SMTNL2: variants seen among roughly 807,000 people sequenced by gnomAD.
The protein encoded by SMTNL2 is smoothelin like 2, also known as smoothelin-like protein 2.
A neutral mutation model predicts 44.1 loss-of-function variants in SMTNL2; 43 were observed. That is an observed-to-expected ratio of 0.98 (90% confidence interval 0.76 to 1.26). SMTNL2 has a LOEUF of 1.26. Among genes scored for constraint, SMTNL2 ranks in the 50% most tolerant of loss-of-function variants. The pLI, the probability that SMTNL2 is intolerant of heterozygous loss-of-function variation, is 0.00. For missense variants in SMTNL2, 646 were observed against 670.2 expected (o/e 0.96, Z 0.40); for synonymous variants, 317 against 287.6 (o/e 1.10, Z -1.03).
intron 7 of SMTNL2, among the ~76,000 whole-genome samples, chr17:4,601,118 G>A (rs752538598): frequency 1.3e-5 from 2 of 152,174 alleles, no homozygotes; most frequent in Non-Finnish European, 2.9e-5. Context: ...AAAAATGGTC[G>A]TCGGGATTGG....
In SMTNL2 at chr17:4,595,177, T is replaced by A; in HGVS notation, c.839T>A (p.Val280Glu). 1 of 1,613,142 alleles carries A rather than the reference T, an allele frequency of 6.2e-7. No individual in the cohort carries two copies. The change falls in exon 5 of 8, where the codon GTG (valine) becomes GAG (glutamate). Residue 280 changes from valine to glutamate, a missense_variant. Val to Glu is a moderately radical substitution (Grantham distance 121). Coordinates refer to ENST00000389313, the MANE Select transcript of SMTNL2 (RefSeq NM_001114974.2). The surrounding 1 kb of genome is among the most constrained non-coding windows in gnomAD (Gnocchi z 5.1). ...CTGGTGACACCACCCCAGTCGCCCG[T>A]GTCCCCGCAGCCGCCAGCCATAACT... ...PPLVTPPQSP[V>E]SPQPPAITQV...
Position 4,600,388 on chromosome 17 carries a change from G to A in SMTNL2, c.1259+3065G>A, listed in dbSNP as rs1030666905. On this transcript the variant is annotated intron_variant, in intron 7 of 7. Transcript: ENST00000389313. The surrounding 1 kb of genome is among the most constrained non-coding windows in gnomAD (Gnocchi z 4.7). ...CCTGGGGGCAGGCAGGGTGGGATGA[G>A]AGGAGCCTGGGGTCTGACAAGACAA... 3.3e-5 allele frequency among the ~76,000 whole-genome samples: 5 copies of A among 152,198 alleles called. No individual in the cohort carries two copies. The highest frequency in any genetic ancestry group is 3.3e-4 in the Admixed American group (5 of 15,280).
chr17:4,592,510 C>A lies in SMTNL2; in HGVS notation c.487+62C>A. Reference sequence around the variant, plus strand: ...TTTGGGGGTTAAGTAAGGCCTTGGTCAGGTATCTGTGCCAGGCTGGCCCTT... The same window carrying A: ...TTTGGGGGTTAAGTAAGGCCTTGGTAAGGTATCTGTGCCAGGCTGGCCCTT... On this transcript the variant is annotated intron_variant, in intron 2 of 7. Coordinates refer to ENST00000389313, the MANE Select transcript of SMTNL2 (RefSeq NM_001114974.2). The surrounding 1 kb of genome is among the most constrained non-coding windows in gnomAD (Gnocchi z 4.5). The A allele has an allele frequency of 1.3e-6, 2 of 1,503,790 alleles. No homozygotes were observed. Among genetic ancestry groups the A allele is most frequent in the South Asian group, 2.4e-5 (2 of 81,852 alleles). The allele number at this position is 1,503,790 out of a possible 1,614,324, so 93.2% of individuals were successfully genotyped here.
rs945151985 is a variant in SMTNL2 at position 4,598,422 on chromosome 17, G to A, written c.1259+1099G>A. Among the ~76,000 whole-genome samples the A allele has an allele frequency of 2.0e-5, 3 of 152,160 alleles. No homozygotes were observed. The East Asian group carries it at 5.8e-4, about 29-fold the overall frequency. ...CCCAAAGCCGAGTCTTCTGGAGGGC[G>A]CGTTTGTTATTCTCTCCCTGCCTTT... is the stretch of plus-strand genomic sequence containing the variant. On this transcript the variant is annotated intron_variant, in intron 7 of 7. Coordinates refer to ENST00000389313, the MANE Select transcript of SMTNL2 (RefSeq NM_001114974.2). This position sits in a 1 kb window ranked among gnomAD's most constrained non-coding sequence, Gnocchi z 4.8.
intron 4 of SMTNL2, 146 bp from the exon 5 acceptor site, chr17:4,594,999 G>C: frequency 9.4e-7 from 1 of 1,064,586 alleles, no homozygotes; most frequent in Non-Finnish European, 1.4e-6. Flanking sequence ...AAACCAGCTA[G>C]GGACCGGAGC....
chr17:4,604,525 A>C (rs1910187923), intron 7 of SMTNL2, among the ~76,000 whole-genome samples: 2 of 152,074 alleles, frequency 1.3e-5, no homozygotes, highest in Non-Finnish European at 2.9e-5. Context: ...GCGTCGTGCC[A>C]AACTGGGATG....
rs550674997 is a variant in SMTNL2, at chr17:4,598,824, T to C, written c.1259+1501T>C. Among the ~76,000 whole-genome samples the C allele has an allele frequency of 1.1e-4, 15 of 138,798 alleles. No homozygotes were observed. Among genetic ancestry groups the C allele is most frequent in the African/African-American group, 3.7e-4 (14 of 37,860 alleles). The allele number at this position is 138,798 out of a possible 152,430, so 91.1% of individuals were successfully genotyped here. A position where few individuals can be genotyped will look rare whatever the true frequency, so the allele number is the denominator to read the frequency against. ...GGGTGGCAGAGTGAGACGCCATCTC[T>C]AAAAAAAAAAAAAAAGTGGTCCTCA... is the stretch of plus-strand genomic sequence containing the variant. On this transcript the variant is annotated intron_variant, in intron 7 of 7. Coordinates refer to ENST00000389313, the MANE Select transcript of SMTNL2 (RefSeq NM_001114974.2). The surrounding 1 kb of genome is among the most constrained non-coding windows in gnomAD (Gnocchi z 4.8).
rs1909285194 is a variant in SMTNL2, at chr17:4,584,974, C to T, written c.369C>T (p.His123=). Reference sequence around the variant, plus strand: ...TGGGCAGCGCACGCTTCGCCAGCCACGCCACCTTCTCGCTGTCCGGCCGCG... The same window carrying T: ...TGGGCAGCGCACGCTTCGCCAGCCATGCCACCTTCTCGCTGTCCGGCCGCG... ...PRLGSARFAS[H]ATFSLSGRGQ... Residue 123 remains histidine, a synonymous_variant, in exon 1 of 8, where the codon CAC becomes CAT. Transcript: ENST00000389313. 1.5e-6 allele frequency: 2 copies of T among 1,377,730 alleles called. No individual in the cohort carries two copies. The highest frequency in any genetic ancestry group is 9.4e-7 in the Non-Finnish European group (1 of 1,067,360). The allele number at this position is 1,377,730 out of a possible 1,614,324, so 85.3% of individuals were successfully genotyped here.
At position 4,584,889 on chromosome 17, in the gene SMTNL2, G is replaced by A; in HGVS notation, c.284G>A (p.Gly95Asp). The change falls in exon 1 of 8, where the codon GGC (glycine) becomes GAC (aspartate). Residue 95 changes from glycine to aspartate, a missense_variant. Physicochemically the swap from Gly to Asp is moderately conservative, Grantham distance 94 (BLOSUM62 -1). Transcript: ENST00000389313. ...GCCAGCGGGATGTCCCCGGTGCCCG[G>A]CACTCCCGGCACGCCCAGCCCCCCG... ...GLASGMSPVP[G>D]TPGTPSPPPA... 1.5e-6 allele frequency: 2 copies of A among 1,297,602 alleles called. No homozygotes were observed. The highest frequency in any genetic ancestry group is 2.2e-5 in the South Asian group (1 of 44,814). The allele number at this position is 1,297,602 out of a possible 1,614,324, so 80.4% of individuals were successfully genotyped here. A position where few individuals can be genotyped will look rare whatever the true frequency, so the allele number is the denominator to read the frequency against.
chr17:4,584,694 C>CGCA lies in SMTNL2; in HGVS notation c.91_92insAGC (p.Ala30_Leu31insGln). 7.8e-7 allele frequency: 1 copy of CGCA among 1,287,170 alleles called. No individual in the cohort carries two copies. The highest frequency in any genetic ancestry group is 2.4e-5 in the South Asian group (1 of 41,242). The allele number at this position is 1,287,170 out of a possible 1,614,324, so 79.7% of individuals were successfully genotyped here. A position where few individuals can be genotyped will look rare whatever the true frequency, so the allele number is the denominator to read the frequency against. ...GCGGCGCTGGAGGGTGCGGTGCGCG[C>CGCA]GCTGCACGAGGACATGCGGGGGCTG... On this transcript the variant is annotated inframe_insertion, in exon 1 of 8. Transcript: ENST00000389313.
intron 7 of SMTNL2, among the ~76,000 whole-genome samples, chr17:4,605,722 G>A (rs1055630534): frequency 2.0e-5 from 3 of 152,290 alleles, no homozygotes; most frequent in Admixed American, 1.3e-4. Flanking sequence ...AGTACACACA[G>A]CTGCTGAAGG....
upstream of SMTNL2, chr17:4,584,438 G>A (rs1006542297): frequency 2.1e-5 from 14 of 652,766 alleles, no homozygotes; most frequent in Admixed American, 4.6e-4. Context: ...GCAGGGGGGT[G>A]TCCCGGAGTC....
upstream of SMTNL2, among the ~76,000 whole-genome samples, chr17:4,584,312 G>A (rs1357385951): frequency 1.3e-5 from 2 of 152,148 alleles, no homozygotes; most frequent in Non-Finnish European, 2.9e-5. Context: ...GGGTGGGCCC[G>A]CCGCCCCTCC....
At chr17:4,605,612 G>A (rs977407821) in intron 7 of SMTNL2, among the ~76,000 whole-genome samples, 2 of 152,144 alleles carry the variant, frequency 1.3e-5, no homozygotes, top group Non-Finnish European at 2.9e-5. Context: ...GTTGCCCACA[G>A]ATATATAGCT....
intron 3 of SMTNL2, 92 bp downstream of exon 3, chr17:4,593,263 A>G (rs1322170590): frequency 6.8e-7 from 1 of 1,475,682 alleles, no homozygotes; most frequent in Admixed American, 2.4e-5. Flanking sequence ...GGTGGGTGAC[A>G]TGGAAAACGA....
intron 1 of SMTNL2, 90 bp downstream of exon 1, chr17:4,585,094 G>A: frequency 1.6e-6 from 2 of 1,237,552 alleles, no homozygotes; most frequent in Non-Finnish European, 2.0e-6. Flanking sequence ...GCCTCTGCTC[G>A]CGTCTGCGGG....
At chr17:4,606,068 A>C (rs1910263271) in intron 7 of SMTNL2, among the ~76,000 whole-genome samples, 1 of 152,182 alleles carries the variant, frequency 6.6e-6, no homozygotes, top group African/African-American at 2.4e-5. Context: ...TTCCCAGGGC[A>C]GGAGGCAGAG....
Position 4,592,953 on chromosome 17 carries a change from T to C in SMTNL2, c.512T>C (p.Ile171Thr), listed in dbSNP as rs774738683. 7 of 1,613,336 alleles carry C rather than the reference T, an allele frequency of 4.3e-6. No homozygotes were observed. Among genetic ancestry groups the C allele is most frequent in the Non-Finnish European group, 5.9e-6 (7 of 1,179,624 alleles). Reference protein sequence around the residue: ...GAGPGDGPPEIAQNFSAPDPP... With the variant: ...GAGPGDGPPETAQNFSAPDPP... Reference sequence around the variant, plus strand: ...GGTCCAGGCGATGGACCCCCTGAGATTGCCCAAAACTTCTCAGCACCAGAT... The same window carrying C: ...GGTCCAGGCGATGGACCCCCTGAGACTGCCCAAAACTTCTCAGCACCAGAT... The change falls in exon 3 of 8, where the codon ATT (isoleucine) becomes ACT (threonine). Residue 171 changes from isoleucine (I) to threonine (T), a missense_variant. Transcript: ENST00000389313. The surrounding 1 kb of genome is among the most constrained non-coding windows in gnomAD (Gnocchi z 4.5).
Position 4,592,345 on chromosome 17 carries a change from A to T in SMTNL2, c.400-16A>T. On this transcript the variant is annotated splice_polypyrimidine_tract_variant and intron_variant, in intron 1 of 7. Coordinates refer to ENST00000389313, the MANE Select transcript of SMTNL2 (RefSeq NM_001114974.2). This position sits in a 1 kb window ranked among gnomAD's most constrained non-coding sequence, Gnocchi z 4.5. The stretch of plus-strand genomic sequence containing the variant: ...CCCTAGCTGATGGGGTCTCGGTGAC[A>T]TTTGTGTCTCTGTAGAGTTTGGATC... 2 of 1,612,432 alleles carry T rather than the reference A, an allele frequency of 1.2e-6. No individual in the cohort carries two copies. Among genetic ancestry groups the T allele is most frequent in the Non-Finnish European group, 1.7e-6 (2 of 1,179,668 alleles).
Sources: allele counts gnomAD v4.1 joint callset (sites outside exome capture counted in the v4.1 genomes callset), GRCh38; gene constraint gnomAD v4.1.1; non-coding constraint Gnocchi (gnomAD v3.1); transcripts MANE v1.5; gene names NCBI Gene and HGNC (gene_info 2026-07-23, HGNC 2026-07-21).